The following MYT1L variants were observed in gnomAD, a reference collection of about 807,000 sequenced individuals.
MYT1L encodes myelin transcription factor 1 like, also known as myelin transcription factor 1-like protein.
In MYT1L, 12 loss-of-function variants were observed where a neutral mutation model predicts 126.7. That is an observed-to-expected ratio of 0.09 (90% CI 0.06 to 0.15). The LOEUF (loss-of-function observed/expected upper bound fraction) is 0.15. Among genes scored for constraint, MYT1L ranks in the 10% least tolerant of loss-of-function variants. The pLI, the probability that MYT1L is intolerant of heterozygous loss-of-function variation, is 1.00. For missense variants in MYT1L, 979 were observed against 1,585.2 expected (o/e 0.62, Z 6.49); for synonymous variants, 541 against 604.2 (o/e 0.90, Z 1.53).
intron 8 of MYT1L, among the ~76,000 whole-genome samples, chr2:1,954,392 A>C (rs2058151688): frequency 6.6e-6 from 1 of 152,076 alleles, no homozygotes; most frequent in African/African-American, 2.4e-5. Flanking sequence ...GAAAACAAAC[A>C]CCACACGTGC....
At chr2:1,844,119 G>T (rs1242407987) in intron 19 of MYT1L, among the ~76,000 whole-genome samples, 1 of 152,098 alleles carries the variant, frequency 6.6e-6, no homozygotes, top group Non-Finnish European at 1.5e-5. Context: ...CACTTGGTGG[G>T]CAGCTCGGCA....
chr2:2,043,776 A>T (rs1282988499), intron 4 of MYT1L, among the ~76,000 whole-genome samples: 2 of 152,240 alleles, frequency 1.3e-5, no homozygotes, highest in African/African-American at 2.4e-5. Flanking sequence ...ATATCTGTTG[A>T]ATGAGTGAAT....
At position 1,912,263 on chromosome 2, in the gene MYT1L, G is replaced by A. The variant is rs942811068; in HGVS notation, c.1619-153C>T. On this transcript the variant is annotated intron_variant, in intron 11 of 24. Transcript: ENST00000647738. This position sits in a 1 kb window ranked among gnomAD's most constrained non-coding sequence, Gnocchi z 4.3. ...GGCATGGCCAGGAAAACACACATGG[G>A]AGGAGAAAGAAGGTTGACTGGACCC... Among the ~76,000 whole-genome samples, 19 of 152,182 alleles carry A rather than the reference G, an allele frequency of 1.2e-4. No individual in the cohort carries two copies. The highest frequency in any genetic ancestry group is 8.3e-4 in the South Asian group (4 of 4,824).
chr2:2,115,871 T>C (rs924746130), intron 3 of MYT1L, among the ~76,000 whole-genome samples: 1 of 146,758 alleles, frequency 6.8e-6, no homozygotes, highest in Non-Finnish European at 1.5e-5. Flanking sequence ...AAGCTGAGGC[T>C]GAGAAGTAGG....
intron 3 of MYT1L, among the ~76,000 whole-genome samples, chr2:2,101,688 TCATCCATCCATCCATTAATCCATCCAGC>T (rs2078107332): frequency 1.3e-5 from 2 of 151,750 alleles, no homozygotes. Flanking sequence ...ATTCATCCAT[TCATCCATCCATCCATTAATCCATCCAGC>T]CATCCATCCA....
intron 13 of MYT1L, among the ~76,000 whole-genome samples, chr2:1,909,827 C>T (rs2051661398): frequency 6.6e-6 from 1 of 152,188 alleles, no homozygotes; most frequent in African/African-American, 2.4e-5. Flanking sequence ...GGTGCTCATA[C>T]CCCTGGCATC....
At chr2:2,278,029 CT>C (rs2095391577) in intron 2 of MYT1L, among the ~76,000 whole-genome samples, 1 of 152,182 alleles carries the variant, frequency 6.6e-6, no homozygotes. Context: ...TTCAGAAACA[CT>C]TTTCATATAC....
chr2:1,941,615 T>C (rs1182840822), intron 9 of MYT1L, among the ~76,000 whole-genome samples: 3 of 152,178 alleles, frequency 2.0e-5, no homozygotes, highest in African/African-American at 7.2e-5. Context: ...CCCAGCATTC[T>C]ACCATAGCGA....
intron 3 of MYT1L, among the ~76,000 whole-genome samples, chr2:2,143,646 T>G (rs1446368531): frequency 6.6e-6 from 1 of 151,922 alleles, no homozygotes; most frequent in African/African-American, 2.4e-5. Context: ...GGCCCAGGTG[T>G]TAGAGGGGAC....
intron 3 of MYT1L, among the ~76,000 whole-genome samples, chr2:2,151,681 C>G (rs546756551): frequency 6.6e-6 from 1 of 152,208 alleles, no homozygotes; most frequent in African/African-American, 2.4e-5. Flanking sequence ...ATATACATAC[C>G]TAGGATAAAG....
chr2:1,900,956 G>A (rs910728038), intron 14 of MYT1L, among the ~76,000 whole-genome samples: 1 of 152,162 alleles, frequency 6.6e-6, no homozygotes, highest in Admixed American at 6.5e-5. Context: ...CACAGAGTGC[G>A]TCCTCACACC....
At chr2:2,321,131 T>C (rs2096157136) in intron 1 of MYT1L, among the ~76,000 whole-genome samples, 1 of 152,252 alleles carries the variant, frequency 6.6e-6, no homozygotes, top group African/African-American at 2.4e-5. Flanking sequence ...TGAGTTCTTC[T>C]GGTGCAGAGA....
intron 3 of MYT1L, among the ~76,000 whole-genome samples, chr2:2,065,123 G>A (rs890831340): frequency 1.3e-4 from 20 of 152,072 alleles, no homozygotes; most frequent in East Asian, 5.8e-4. Flanking sequence ...ACTTGGGCCC[G>A]GAAGATTGAG....
intron 2 of MYT1L, among the ~76,000 whole-genome samples, chr2:2,281,111 G>T (rs1163081743): frequency 6.6e-6 from 1 of 152,170 alleles, no homozygotes; most frequent in Non-Finnish European, 1.5e-5. Context: ...CATGGGGGTG[G>T]TTACCCCACA....
chr2:2,048,795 CAGTT>C (rs1225322851), intron 4 of MYT1L, among the ~76,000 whole-genome samples: 1 of 152,126 alleles, frequency 6.6e-6, no homozygotes, highest in Non-Finnish European at 1.5e-5. Flanking sequence ...TAATTGTCCT[CAGTT>C]AGGAGGAAGG....
At chr2:2,071,803 A>G (rs1417769832) in intron 3 of MYT1L, among the ~76,000 whole-genome samples, 2 of 152,138 alleles carry the variant, frequency 1.3e-5, no homozygotes, top group African/African-American at 2.4e-5. Flanking sequence ...AGGCAAACTA[A>G]TTAGGAGGCT....
intron 4 of MYT1L, among the ~76,000 whole-genome samples, chr2:2,050,416 T>A (rs545230083): frequency 6.6e-6 from 1 of 152,278 alleles, no homozygotes; most frequent in South Asian, 2.1e-4. Flanking sequence ...TGATTTTATT[T>A]TAAGGACAGT....
At chr2:2,093,872 G>C (rs894209767) in intron 3 of MYT1L, among the ~76,000 whole-genome samples, 6 of 152,156 alleles carry the variant, frequency 3.9e-5, no homozygotes, top group Non-Finnish European at 8.8e-5. Flanking sequence ...TTTGTATAAG[G>C]TGTAAGGAAG....
intron 15 of MYT1L, 88 bp downstream of exon 15, chr2:1,891,949 C>T (rs935415289): frequency 7.0e-7 from 1 of 1,437,522 alleles, no homozygotes; most frequent in African/African-American, 1.4e-5. Flanking sequence ...ATACAGCTGC[C>T]CCGAAAGCGC....
Sources: gnomAD v4.1 joint callset for allele counts (sites outside exome capture counted in the v4.1 genomes callset) on GRCh38, gnomAD v4.1.1 for gene constraint, Gnocchi (gnomAD v3.1) non-coding constraint, MANE v1.5 for transcripts, NCBI Gene and HGNC (gene_info 2026-07-23, HGNC 2026-07-21) for gene names.